SHISA9: variants seen among roughly 807,000 people sequenced by gnomAD.
SHISA9 encodes protein shisa-9.
Under a neutral mutation model 38.0 loss-of-function variants are expected in SHISA9, and 13 were observed. The observed-to-expected ratio is 0.34, with a 90% CI of 0.22 to 0.54. SHISA9 has a LOEUF of 0.54. Among genes scored for constraint, SHISA9 ranks in the 20% least tolerant of loss-of-function variants. The probability of loss-of-function intolerance (pLI) is 0.91; values close to 1 mark genes in which losing one functional copy is unlikely to be tolerated. For synonymous variants in SHISA9, 275 were observed against 242.0 expected (o/e 1.14, Z -1.27); for missense variants, 538 against 575.8 (o/e 0.93, Z 0.67).
the SHISA9 span, among the ~76,000 whole-genome samples, chr16:13,296,929 C>T: frequency 5.5e-4 from 75 of 137,484 alleles, 1 homozygote; most frequent in African/African-American, 1.9e-3. Flanking sequence ...AAAGAGAATG[C>T]TTTCTCGTTG....
chr16:13,448,444 A>G, the SHISA9 span, among the ~76,000 whole-genome samples: 114 of 152,152 alleles, frequency 7.5e-4, no homozygotes, highest in Admixed American at 1.4e-3. Context: ...TCACAAAGAC[A>G]CCCTCTCAAG....
At chr16:13,458,427 T>C in the SHISA9 span, 1 of 392,830 alleles carries the variant, frequency 2.5e-6, no homozygotes. Flanking sequence ...CAAGCATTAC[T>C]GAAAACCTTC....
intron 2 of SHISA9, among the ~76,000 whole-genome samples, chr16:13,075,400 G>T (rs2073568880): frequency 6.6e-6 from 1 of 152,194 alleles, no homozygotes; most frequent in African/African-American, 2.4e-5. Flanking sequence ...GAAGCCAAGG[G>T]ATCCTGAGTA....
chr16:13,013,167 C>T (rs2072699632), intron 2 of SHISA9, among the ~76,000 whole-genome samples: 1 of 152,134 alleles, frequency 6.6e-6, no homozygotes, highest in Non-Finnish European at 1.5e-5. Context: ...GCATCAGGAA[C>T]CCTGGGGCTG....
the SHISA9 span, among the ~76,000 whole-genome samples, chr16:13,460,168 T>C: frequency 6.6e-6 from 1 of 152,184 alleles, no homozygotes; most frequent in Non-Finnish European, 1.5e-5. Context: ...CCTGGATTCA[T>C]GGCAAATACC....
At chr16:12,964,721 G>A (rs568706570) in intron 2 of SHISA9, among the ~76,000 whole-genome samples, 1 of 152,116 alleles carries the variant, frequency 6.6e-6, no homozygotes, top group Non-Finnish European at 1.5e-5. Context: ...ATTCAAGATC[G>A]TGACAGGGAA....
chr16:13,506,565 T>TTCAAATCTC, the SHISA9 span, among the ~76,000 whole-genome samples: 1 of 152,066 alleles, frequency 6.6e-6, no homozygotes, highest in Non-Finnish European at 1.5e-5. Flanking sequence ...CATGCGGATA[T>TTCAAATCTC]CCAGGAAGAG....
At chr16:13,281,237 C>G in the SHISA9 span, among the ~76,000 whole-genome samples, 1 of 151,658 alleles carries the variant, frequency 6.6e-6, no homozygotes, top group East Asian at 1.9e-4. Flanking sequence ...ATGGATGTTT[C>G]TTTCTACCTC....
the SHISA9 span, among the ~76,000 whole-genome samples, chr16:13,307,926 T>C: frequency 0.29 from 43,866 of 152,124 alleles, 7,152 homozygotes; most frequent in Admixed American, 0.43. Context: ...GCAATTAGTG[T>C]TGGATTTCAC....
intron 2 of SHISA9, among the ~76,000 whole-genome samples, chr16:12,953,100 G>A (rs908221341): frequency 6.6e-6 from 1 of 151,980 alleles, no homozygotes; most frequent in African/African-American, 2.4e-5. Flanking sequence ...TGATGTGTGT[G>A]GGATGTCTCT....
the SHISA9 span, among the ~76,000 whole-genome samples, chr16:13,493,530 G>A: frequency 6.6e-6 from 1 of 152,172 alleles, no homozygotes. Flanking sequence ...CTGATAGGTA[G>A]GAGGTACGTT....
the SHISA9 span, among the ~76,000 whole-genome samples, chr16:13,264,481 T>C: frequency 6.6e-6 from 1 of 152,084 alleles, no homozygotes; most frequent in African/African-American, 2.4e-5. Flanking sequence ...CTGTTTTAAA[T>C]CTTGAGAGTG....
At chr16:12,957,054 T>G (rs147515720) in intron 2 of SHISA9, among the ~76,000 whole-genome samples, 1 of 152,314 alleles carries the variant, frequency 6.6e-6, no homozygotes, top group East Asian at 1.9e-4. Context: ...GGTATCATTT[T>G]GGAGAGTATT....
the SHISA9 span, among the ~76,000 whole-genome samples, chr16:13,469,399 A>AAG: frequency 1.5e-5 from 2 of 130,004 alleles, no homozygotes; most frequent in Non-Finnish European, 3.3e-5. Context: ...GAAAGAAAGA[A>AAG]AGAAAGAAAG....
chr16:13,441,724 C>T, the SHISA9 span, among the ~76,000 whole-genome samples: 1 of 152,198 alleles, frequency 6.6e-6, no homozygotes. Flanking sequence ...CATTCACTGG[C>T]TCTGGGTCTC....
chr16:13,406,191 C>T, the SHISA9 span, among the ~76,000 whole-genome samples: 2 of 152,104 alleles, frequency 1.3e-5, no homozygotes, highest in East Asian at 3.9e-4. Context: ...CATCTTTGGA[C>T]AATAAGAAGA....
At chr16:13,021,470 G>A in intron 2 of SHISA9, among the ~76,000 whole-genome samples, 1 of 152,162 alleles carries the variant, frequency 6.6e-6, no homozygotes, top group East Asian at 1.9e-4. Flanking sequence ...AAGTGAGTTA[G>A]GGAGAGGGGC....
At chr16:13,257,783 CCCT>C in the SHISA9 span, among the ~76,000 whole-genome samples, 1 of 152,172 alleles carries the variant, frequency 6.6e-6, no homozygotes, top group African/African-American at 2.4e-5. Flanking sequence ...ATTTTAGGCT[CCCT>C]TCTGTGCTAC....
chr16:13,111,986 T>C (rs745555650), intron 2 of SHISA9, among the ~76,000 whole-genome samples: 1 of 152,184 alleles, frequency 6.6e-6, no homozygotes, highest in Non-Finnish European at 1.5e-5. Flanking sequence ...AGCTAGGTAG[T>C]AGACTCAAAA....
Sources: gnomAD v4.1 joint callset for allele counts (sites outside exome capture counted in the v4.1 genomes callset) on GRCh38, gnomAD v4.1.1 for gene constraint, MANE v1.5 for transcripts, NCBI Gene and HGNC (gene_info 2026-07-23, HGNC 2026-07-21) for gene names.